Variants in ALYREF observed in about 807,000 individuals in gnomAD.
ALYREF encodes THO complex subunit 4.
In ALYREF, 1 loss-of-function variant was observed where a neutral mutation model predicts 25.2. That is an observed-to-expected ratio of 0.04 (90% CI 0.01 to 0.19). The LOEUF is 0.19. Ranked by LOEUF, ALYREF falls within the 10% of genes least tolerant of loss-of-function variation. The pLI, the probability that ALYREF is intolerant of heterozygous loss-of-function variation, is 1.00. For synonymous variants in ALYREF, 193 were observed against 153.5 expected, an observed-to-expected ratio of 1.26 and a Z score of -1.90; for missense variants, 328 against 375.6, an observed-to-expected ratio of 0.87 and a Z score of 1.05.
At chr17:81,890,852 G>A (rs1449161746) in intron 1 of ALYREF, 32 bp from the exon 2 acceptor site, 2 of 1,613,880 alleles carry the variant, frequency 1.2e-6, no homozygotes, top group Admixed American at 1.7e-5. Flanking sequence ...GAGCAGATCT[G>A]TGAGTCTCAG....
chr17:81,890,248 A>G (rs780116746), intron 2 of ALYREF, among the ~76,000 whole-genome samples: 2 of 152,306 alleles, frequency 1.3e-5, no homozygotes, highest in African/African-American at 4.8e-5. Context: ...CAAGGTCTTT[A>G]TAAGACAGTA....
chr17:81,889,413 A>C, intron 2 of ALYREF, 84 bp from the exon 3 acceptor site: 1 of 1,523,542 alleles, frequency 6.6e-7, no homozygotes, highest in Non-Finnish European at 9.0e-7. Flanking sequence ...TGGAAGCGTG[A>C]GTTGCTTTGG....
rs115610695 is a variant in ALYREF at position 81,888,484 on chromosome 17, C to T, written c.602+36G>A. 6,124 of 1,602,804 alleles carry T rather than the reference C, an allele frequency of 3.8e-3. 210 individuals carry two copies. In the African/African-American group the frequency reaches 0.073, roughly 19 times the overall value. ...CCTAAGAGCGACGCAGCCTCACCCT[C>T]GGCCAATCCCCTTCCCCAGAGGCCC... On this transcript the variant is annotated intron_variant, in intron 4 of 5. Transcript: ENST00000505490. The surrounding 1 kb of genome is among the most constrained non-coding windows in gnomAD (Gnocchi z 5.8).
At chr17:81,890,917 G>C in intron 1 of ALYREF, 97 bp from the exon 2 acceptor site, 1 of 1,552,184 alleles carries the variant, frequency 6.4e-7, no homozygotes, top group Non-Finnish European at 8.7e-7. Context: ...TTCCCGGCCT[G>C]AGAGGATCCG....
chr17:81,890,529 A>G (rs1396148591), intron 2 of ALYREF, among the ~76,000 whole-genome samples, 160 bp downstream of exon 2: 1 of 152,130 alleles, frequency 6.6e-6, no homozygotes, highest in Non-Finnish European at 1.5e-5. Flanking sequence ...CTGCCTGCGC[A>G]CTGACCCCGG....
rs1189329421 is a variant in ALYREF, at chr17:81,891,386, C to T, written c.195G>A (p.Arg65=). 1.3e-5 allele frequency: 15 copies of T among 1,122,650 alleles called. No homozygotes were observed. The highest frequency in any genetic ancestry group is 2.2e-6 in the Non-Finnish European group (2 of 917,802). The allele number at this position is 1,122,650 out of a possible 1,614,324, so 69.5% of individuals were successfully genotyped here. Residue 65 remains arginine (R), a synonymous_variant, in exon 1 of 6, where the codon CGG becomes CGA. Transcript: ENST00000505490. The stretch of plus-strand genomic sequence containing the variant: ...CGGCCGCGCCGCGGGCGATGGCCGG[C>T]CGGTTCCGGATGGGCCCGCCGCCTC... ...VNRGGGPIRN[R]PAIARGAAGG... is the part of the protein sequence containing the mutation.
rs1045052392 is a variant in ALYREF, at chr17:81,890,550, A to G, written c.390+139T>C. 54 of 1,304,000 alleles carry G rather than the reference A, an allele frequency of 4.1e-5. No individual in the cohort carries two copies. The Admixed American group carries it at 6.7e-4, about 16-fold the overall frequency. The allele number at this position is 1,304,000 out of a possible 1,614,324, so 80.8% of individuals were successfully genotyped here. Reference sequence around the variant, plus strand: ...GCGCACTGACCCCGGCTTTACTAGCACTGGGTCTGTCCTGCAGCCCTTCAG... The same window carrying G: ...GCGCACTGACCCCGGCTTTACTAGCGCTGGGTCTGTCCTGCAGCCCTTCAG... On this transcript the variant is annotated intron_variant, in intron 2 of 5. Transcript: ENST00000505490.
rs751068547 is a variant in ALYREF at position 81,888,451 on chromosome 17, G to A, written c.603-33C>T. On this transcript the variant is annotated intron_variant, in intron 4 of 5. Coordinates refer to ENST00000505490, the MANE Select transcript of ALYREF (RefSeq NM_005782.4). The surrounding 1 kb of genome is among the most constrained non-coding windows in gnomAD (Gnocchi z 5.8). ...GGAAGACGAAACCGTTCACACACCC[G>A]GAAGGACCCTAAGAGCGACGCAGCC... 9.0e-5 allele frequency: 145 copies of A among 1,603,532 alleles called. No homozygotes were observed. The highest frequency in any genetic ancestry group is 1.1e-4 in the Non-Finnish European group (127 of 1,172,710).
chr17:81,890,951 C>G, intron 1 of ALYREF, 131 bp from the exon 2 acceptor site: 4 of 1,379,550 alleles, frequency 2.9e-6, no homozygotes, highest in Non-Finnish European at 3.9e-6. Flanking sequence ...CGCCAGCGCT[C>G]CCTCCGGCGC....
Position 81,891,422 on chromosome 17 carries a change from C to A in ALYREF, c.159G>T (p.Ala53=), listed in dbSNP as rs1293386641. 4.9e-6 allele frequency: 5 copies of A among 1,022,626 alleles called. No individual in the cohort carries two copies. The highest frequency in any genetic ancestry group is 4.7e-6 in the Non-Finnish European group (4 of 856,896). The allele number at this position is 1,022,626 out of a possible 1,614,324, so 63.3% of individuals were successfully genotyped here. ...TGGGCCCGCCGCCTCGATTCACTCG[C>A]GCGGCGGCCTGCGCCCCACCGCCGC... ...GGRGGGAQAA[A]RVNRGGGPIR... The change falls in exon 1 of 6, where the codon GCG becomes GCT. Residue 53 remains alanine, a synonymous_variant. Transcript: ENST00000505490.
intron 1 of ALYREF, 184 bp from the exon 2 acceptor site, chr17:81,891,004 G>T: frequency 1.1e-6 from 1 of 904,264 alleles, no homozygotes; most frequent in Non-Finnish European, 1.6e-6. Context: ...CACCGCGGCC[G>T]CACAACTTCA....
At chr17:81,890,604 G>A in intron 2 of ALYREF, 85 bp downstream of exon 2, 6 of 1,563,190 alleles carry the variant, frequency 3.8e-6, no homozygotes, top group Non-Finnish European at 5.2e-6. Context: ...CGCTAAGGCG[G>A]GAAGGGGACT....
chr17:81,888,706 G>A lies in ALYREF; in HGVS notation c.539-123C>T, dbSNP rs547605730. On this transcript the variant is annotated intron_variant, in intron 3 of 5. Coordinates refer to ENST00000505490, the MANE Select transcript of ALYREF (RefSeq NM_005782.4). This position sits in a 1 kb window ranked among gnomAD's most constrained non-coding sequence, Gnocchi z 5.8. The stretch of plus-strand genomic sequence containing the variant: ...GCCTCTGTGCGTCTCAAATGCCCCC[G>A]ACAAGGGAAATGGCCTGGAGATACT... 754 of 1,500,018 alleles carry A rather than the reference G, an allele frequency of 5.0e-4. 4 individuals carry two copies. In the Middle Eastern group the frequency reaches 0.012, roughly 24 times the overall value. The allele number at this position is 1,500,018 out of a possible 1,614,324, so 92.9% of individuals were successfully genotyped here.
intron 3 of ALYREF, 146 bp downstream of exon 3, chr17:81,889,036 T>G (rs2039467752): frequency 6.8e-7 from 1 of 1,461,458 alleles, no homozygotes; most frequent in African/African-American, 1.4e-5. Flanking sequence ...TGGGGCAGCA[T>G]GAGAGGTGGC....
chr17:81,890,851 TGTGA>T, intron 1 of ALYREF, 31 bp from the exon 2 acceptor site: 1 of 1,613,812 alleles, frequency 6.2e-7, no homozygotes. Context: ...AGAGCAGATC[TGTGA>T]GTCTCAGTCC....
At chr17:81,890,926 C>A in intron 1 of ALYREF, 106 bp from the exon 2 acceptor site, 1 of 1,513,652 alleles carries the variant, frequency 6.6e-7, no homozygotes, top group Non-Finnish European at 8.9e-7. Context: ...TGAGAGGATC[C>A]GGCCGAAACG....
Position 81,888,534 on chromosome 17 carries a change from C to T in ALYREF, c.588G>A (p.Arg196=), listed in dbSNP as rs771296146. 16 of 1,597,742 alleles carry T rather than the reference C, an allele frequency of 1.0e-5. No individual in the cohort carries two copies. Among genetic ancestry groups the T allele is most frequent in the Middle Eastern group, 3.3e-4 (2 of 6,054 alleles). ...QLVTSQIDAQ[R]RPAQSVNRGG... ...CCGGAAGTCACCTCTGTGCAGGCCT[C>T]CGCTGTGCGTCAATCTGTGACGTGA... The change falls in exon 4 of 6, where the codon CGG becomes CGA. Residue 196 remains arginine, a synonymous_variant. Transcript: ENST00000505490. This position sits in a 1 kb window ranked among gnomAD's most constrained non-coding sequence, Gnocchi z 5.8.
chr17:81,889,611 C>G (rs2039475834), intron 2 of ALYREF, among the ~76,000 whole-genome samples: 1 of 152,226 alleles, frequency 6.6e-6, no homozygotes, highest in Non-Finnish European at 1.5e-5. Context: ...AATTAAGCCA[C>G]TATCCTCTTC....
intron 2 of ALYREF, among the ~76,000 whole-genome samples, chr17:81,890,210 C>T (rs911584552): frequency 2.6e-5 from 4 of 152,100 alleles, no homozygotes; most frequent in Admixed American, 1.3e-4. Context: ...CGGGACACGG[C>T]GGTGGGGAGT....
Sources: allele counts gnomAD v4.1 joint callset (sites outside exome capture counted in the v4.1 genomes callset), GRCh38; gene constraint gnomAD v4.1.1; non-coding constraint Gnocchi (gnomAD v3.1); transcripts MANE v1.5; gene names NCBI Gene and HGNC (gene_info 2026-07-23, HGNC 2026-07-21).